DENND1A: variants seen among roughly 807,000 people sequenced by gnomAD.
The protein encoded by DENND1A is DENN domain-containing protein 1A.
Under a neutral mutation model 113.7 loss-of-function variants are expected in DENND1A, and 51 were observed. The observed-to-expected ratio is 0.45, with a 90% confidence interval of 0.36 to 0.57. The LOEUF is 0.57. Ranked by LOEUF, DENND1A falls within the 20% of genes least tolerant of loss-of-function variation. The pLI, the probability that DENND1A is intolerant of heterozygous loss-of-function variation, is 0.00. For synonymous variants in DENND1A, 565 were observed against 570.8 expected, an observed-to-expected ratio of 0.99 and a Z score of 0.14; for missense variants, 1,258 against 1,395.9, an observed-to-expected ratio of 0.90 and a Z score of 1.57.
intron 10 of DENND1A, among the ~76,000 whole-genome samples, chr9:123,616,270 T>G (rs956554497): frequency 8.5e-5 from 13 of 152,218 alleles, no homozygotes; most frequent in Non-Finnish European, 4.4e-5. Context: ...AACGTGCCTA[T>G]GGGATCACCC....
chr9:123,392,082 C>A (rs1460334235), intron 21 of DENND1A, among the ~76,000 whole-genome samples: 1 of 152,210 alleles, frequency 6.6e-6, no homozygotes, highest in Non-Finnish European at 1.5e-5. Flanking sequence ...CGCCGGTTAG[C>A]GCGCGCGTGT....
chr9:123,407,737 G>A (rs865869815), intron 20 of DENND1A, among the ~76,000 whole-genome samples: 6 of 152,292 alleles, frequency 3.9e-5, no homozygotes, highest in Middle Eastern at 3.4e-3. Context: ...AAGGGGGACT[G>A]GAGGGGAAAC....
intron 1 of DENND1A, among the ~76,000 whole-genome samples, chr9:123,907,684 A>G (rs1853132334): frequency 6.6e-6 from 1 of 150,592 alleles, no homozygotes; most frequent in African/African-American, 2.5e-5. Flanking sequence ...CCACTGCTCA[A>G]GGAAATAAAA....
At chr9:123,732,597 ATGG>A (rs2068256475) in intron 5 of DENND1A, among the ~76,000 whole-genome samples, 1 of 152,226 alleles carries the variant, frequency 6.6e-6, no homozygotes. Context: ...TATGGTGGTT[ATGG>A]TGGCAGATAT....
At chr9:123,534,085 T>A (rs756337739) in intron 13 of DENND1A, among the ~76,000 whole-genome samples, 14 of 152,246 alleles carry the variant, frequency 9.2e-5, no homozygotes, top group Non-Finnish European at 1.3e-4. Flanking sequence ...TGAAAGACTA[T>A]ATGGAACTTA....
At chr9:123,839,084 C>A (rs779067130) in intron 2 of DENND1A, among the ~76,000 whole-genome samples, 51 of 152,156 alleles carry the variant, frequency 3.4e-4, no homozygotes, top group Non-Finnish European at 6.3e-4. Context: ...CTGAGCCACA[C>A]GCTCGAATCG....
intron 8 of DENND1A, among the ~76,000 whole-genome samples, chr9:123,661,538 T>C (rs745792585): frequency 6.6e-6 from 1 of 152,178 alleles, no homozygotes; most frequent in East Asian, 1.9e-4. Flanking sequence ...ATACTGATAT[T>C]TGAGAGGCCA....
chr9:123,658,427 T>C (rs2063073980), intron 8 of DENND1A, among the ~76,000 whole-genome samples: 1 of 152,358 alleles, frequency 6.6e-6, no homozygotes, highest in Non-Finnish European at 1.5e-5. Context: ...CATTTAATTA[T>C]TGCCTGCATA....
intron 10 of DENND1A, among the ~76,000 whole-genome samples, chr9:123,610,727 G>A (rs2060381321): frequency 6.6e-6 from 1 of 152,190 alleles, no homozygotes; most frequent in Admixed American, 6.5e-5. Context: ...GCAGCTGGTA[G>A]AGTAGAGGTG....
At chr9:123,482,579 G>C (rs1324858109) in intron 13 of DENND1A, among the ~76,000 whole-genome samples, 1 of 152,192 alleles carries the variant, frequency 6.6e-6, no homozygotes, top group African/African-American at 2.4e-5. Context: ...CTGATTCAGT[G>C]AGTAGTTGTT....
intron 1 of DENND1A, among the ~76,000 whole-genome samples, chr9:123,904,107 G>C (rs1382255381): frequency 6.6e-6 from 1 of 152,026 alleles, no homozygotes; most frequent in Non-Finnish European, 1.5e-5. Context: ...CCCCAGCAGG[G>C]GCACACTGAC....
intron 2 of DENND1A, among the ~76,000 whole-genome samples, chr9:123,815,159 T>A (rs1397341929): frequency 1.3e-5 from 2 of 152,196 alleles, no homozygotes; most frequent in Admixed American, 6.5e-5. Context: ...AATAAAGATA[T>A]CACAAACAGC....
chr9:123,581,705 G>A (rs1485800261), intron 12 of DENND1A, among the ~76,000 whole-genome samples: 1 of 152,112 alleles, frequency 6.6e-6, no homozygotes, highest in African/African-American at 2.4e-5. Flanking sequence ...CCCACAGGGT[G>A]CCACTGGGCC....
intron 1 of DENND1A, among the ~76,000 whole-genome samples, chr9:123,921,908 C>T (rs1856325719): frequency 6.8e-6 from 1 of 147,752 alleles, no homozygotes; most frequent in Non-Finnish European, 1.5e-5. Context: ...CTCTCAAAGC[C>T]ATCCTTTTTT....
intron 2 of DENND1A, among the ~76,000 whole-genome samples, chr9:123,858,058 C>CAAAAAAAAAAA (rs1230079039): frequency 2.0e-5 from 1 of 51,080 alleles, no homozygotes; most frequent in Non-Finnish European, 4.1e-5. Flanking sequence ...GACTCCGTCT[C>CAAAAAAAAAAA]AAAAAAAAAA....
intron 6 of DENND1A, 122 bp from the exon 7 acceptor site, chr9:123,671,493 T>C (rs531678297): frequency 1.1e-5 from 10 of 878,432 alleles, no homozygotes; most frequent in East Asian, 7.4e-5. Context: ...AGTACAGAAA[T>C]AGGTTTGATA....
intron 12 of DENND1A, among the ~76,000 whole-genome samples, chr9:123,576,207 C>A (rs2058626874): frequency 6.6e-6 from 1 of 152,166 alleles, no homozygotes; most frequent in Non-Finnish European, 1.5e-5. Context: ...GGTAACGTAA[C>A]AACCTTTAAA....
At position 123,609,461 on chromosome 9, in the gene DENND1A, A is replaced by G; in HGVS notation, c.740T>C (p.Ile247Thr). 3 of 1,613,690 alleles carry G rather than the reference A, an allele frequency of 1.9e-6. No homozygotes were observed. Among genetic ancestry groups the G allele is most frequent in the Non-Finnish European group, 1.7e-6 (2 of 1,179,784 alleles). ...CTCCATTAAACTTAAATGGATTCCTATGAGGTAGGGCATGGGAGCACTGTG... is the reference window on the plus strand; with the variant it reads ...CTCCATTAAACTTAAATGGATTCCTGTGAGGTAGGGCATGGGAGCACTGTG... ...DYCCAPMPYL[I>T]GIHLSLMEKV... Residue 247 changes from isoleucine (I) to threonine (T), a missense_variant, in exon 11 of 24, where the codon ATA becomes ACA. Physicochemically the swap from Ile to Thr is moderately conservative, Grantham distance 89. Coordinates refer to ENST00000394215, the MANE Select transcript of DENND1A (RefSeq NM_001352964.2).
intron 22 of DENND1A, among the ~76,000 whole-genome samples, chr9:123,384,521 C>T (rs2042457210): frequency 6.6e-6 from 1 of 152,238 alleles, no homozygotes; most frequent in Admixed American, 6.5e-5. Context: ...GTGGTGGTTA[C>T]ATGAGCAAAT....
Sources: gnomAD v4.1 joint callset for allele counts (sites outside exome capture counted in the v4.1 genomes callset) on GRCh38, gnomAD v4.1.1 for gene constraint, MANE v1.5 for transcripts, NCBI Gene and HGNC (gene_info 2026-07-23, HGNC 2026-07-21) for gene names.